SEMA3A: variants seen among roughly 807,000 people sequenced by gnomAD.
SEMA3A encodes the protein semaphorin-3A.
A neutral mutation model predicts 97.9 loss-of-function variants in SEMA3A; 29 were observed. That is an observed-to-expected ratio of 0.30 (90% CI 0.22 to 0.40). The LOEUF is 0.40. Among genes scored for constraint, SEMA3A ranks in the 10% least tolerant of loss-of-function variants. The probability of loss-of-function intolerance (pLI) is 1.00; values close to 1 mark genes in which losing one functional copy is unlikely to be tolerated. For missense variants in SEMA3A, 763 were observed against 951.3 expected (o/e 0.80, Z 2.60); for synonymous variants, 321 against 323.7 (o/e 0.99, Z 0.09).
chr7:84,165,699 T>A (rs557466598), intron 1 of SEMA3A, among the ~76,000 whole-genome samples: 119 of 151,950 alleles, frequency 7.8e-4, no homozygotes, highest in Non-Finnish European at 1.5e-3. Context: ...ATTACAGGTG[T>A]GGGCCACCAT....
chr7:84,468,227 T>G (rs542398193), intron 1 of SEMA3A, among the ~76,000 whole-genome samples: 1 of 152,344 alleles, frequency 6.6e-6, no homozygotes, highest in Non-Finnish European at 1.5e-5. Flanking sequence ...TTGCATTTCT[T>G]ACTTGTGCAA....
chr7:84,439,741 T>C (rs1296295128), intron 1 of SEMA3A, among the ~76,000 whole-genome samples: 3 of 152,282 alleles, frequency 2.0e-5, no homozygotes, highest in South Asian at 2.1e-4. Context: ...GGTGAAATGA[T>C]AGTACATATA....
chr7:84,307,820 A>G (rs759214095), intron 2 of SEMA3A, among the ~76,000 whole-genome samples: 30 of 152,186 alleles, frequency 2.0e-4, no homozygotes, highest in Non-Finnish European at 3.4e-4. Flanking sequence ...TAGAAATTTT[A>G]AACAACAGAA....
chr7:84,481,267 C>T (rs1313733393), intron 1 of SEMA3A, among the ~76,000 whole-genome samples: 4 of 152,128 alleles, frequency 2.6e-5, no homozygotes, highest in African/African-American at 7.2e-5. Context: ...ACTACCCTCA[C>T]CTTTTGCATG....
chr7:84,429,535 T>C (rs920631303), intron 1 of SEMA3A, among the ~76,000 whole-genome samples: 1 of 119,708 alleles, frequency 8.4e-6, no homozygotes, highest in African/African-American at 3.2e-5. Flanking sequence ...TATATATATA[T>C]ATATATATAT....
chr7:84,343,519 TAA>T (rs1802222409), intron 2 of SEMA3A, among the ~76,000 whole-genome samples: 3 of 152,192 alleles, frequency 2.0e-5, no homozygotes, highest in Admixed American at 2.0e-4. Flanking sequence ...TTTCTAAAAC[TAA>T]ATACTGAGTG....
chr7:84,167,068 C>A (rs1338796940), intron 1 of SEMA3A, among the ~76,000 whole-genome samples: 8 of 152,230 alleles, frequency 5.3e-5, no homozygotes, highest in East Asian at 3.9e-4. Flanking sequence ...TGCAGTCCTA[C>A]AAGATGTAGG....
chr7:84,263,262 G>A (rs1363486044), intron 3 of SEMA3A, among the ~76,000 whole-genome samples: 2 of 152,128 alleles, frequency 1.3e-5, no homozygotes, highest in Non-Finnish European at 1.5e-5. Context: ...ACAAAGAGCC[G>A]GCATGTGTAG....
intron 6 of SEMA3A, among the ~76,000 whole-genome samples, chr7:84,045,560 T>G (rs1792316338): frequency 6.6e-6 from 1 of 151,850 alleles, no homozygotes; most frequent in African/African-American, 2.4e-5. Context: ...GATTGCTTAG[T>G]TAAAATTTTG....
At chr7:84,388,773 T>G (rs906249114) in intron 1 of SEMA3A, among the ~76,000 whole-genome samples, 5 of 152,148 alleles carry the variant, frequency 3.3e-5, no homozygotes, top group African/African-American at 1.2e-4. Flanking sequence ...GACCTTCAGT[T>G]TCTTAAAACA....
At chr7:84,271,533 G>A (rs1009323040) in intron 3 of SEMA3A, among the ~76,000 whole-genome samples, 3 of 152,052 alleles carry the variant, frequency 2.0e-5, no homozygotes, top group African/African-American at 7.2e-5. Flanking sequence ...TGTAAATAAA[G>A]AGAAAATGAA....
At chr7:84,169,740 T>G (rs1029966748) in intron 1 of SEMA3A, among the ~76,000 whole-genome samples, 1 of 151,464 alleles carries the variant, frequency 6.6e-6, no homozygotes, top group East Asian at 1.9e-4. Context: ...GGAAGTAAGA[T>G]TAAATAATGC....
intron 4 of SEMA3A, among the ~76,000 whole-genome samples, chr7:84,100,631 C>A (rs1562782314): frequency 6.6e-6 from 1 of 151,994 alleles, no homozygotes; most frequent in Non-Finnish European, 1.5e-5. Context: ...TCTATGTGAG[C>A]CCTTTGAGGG....
rs1037825385 is a variant in SEMA3A at position 84,379,052 on chromosome 7, T to C, written c.-245-7152A>G. 5.9e-5 allele frequency among the ~76,000 whole-genome samples: 9 copies of C among 151,876 alleles called. No individual in the cohort carries two copies. In the East Asian group the frequency reaches 1.8e-3, roughly 30 times the overall value. The stretch of plus-strand genomic sequence containing the variant: ...ATGCCGTTCTCCTGCCTCAGCCTCC[T>C]GAGTAGCTGGGACTACAGGCGCCCG... On this transcript the variant is annotated intron_variant, in intron 1 of 3. Transcript: ENST00000424555.
At chr7:84,131,101 TTAA>T (rs376885803) in intron 2 of SEMA3A, among the ~76,000 whole-genome samples, 5 of 151,382 alleles carry the variant, frequency 3.3e-5, no homozygotes, top group Admixed American at 6.6e-5. Context: ...AGTTCCAGGG[TTAA>T]TAATAATAAT....
chr7:84,160,945 T>C (rs927447097), intron 1 of SEMA3A, among the ~76,000 whole-genome samples: 2 of 152,140 alleles, frequency 1.3e-5, no homozygotes, highest in Admixed American at 6.5e-5. Flanking sequence ...TTCTACTTTA[T>C]TGATAGGAAG....
chr7:84,035,145 A>G (rs1027376763), intron 6 of SEMA3A, among the ~76,000 whole-genome samples: 1 of 152,108 alleles, frequency 6.6e-6, no homozygotes, highest in African/African-American at 2.4e-5. Context: ...TACATTTATT[A>G]GTTAAAAACA....
intron 2 of SEMA3A, among the ~76,000 whole-genome samples, chr7:84,346,407 G>C (rs1420693305): frequency 6.6e-6 from 1 of 152,170 alleles, no homozygotes; most frequent in African/African-American, 2.4e-5. Context: ...TGGTGCAAGA[G>C]GCCTTGCTTT....
chr7:84,235,072 G>T (rs1045986859), intron 3 of SEMA3A, among the ~76,000 whole-genome samples: 1 of 151,948 alleles, frequency 6.6e-6, no homozygotes, highest in Non-Finnish European at 1.5e-5. Flanking sequence ...TAATATATAC[G>T]AAAATGATTT....
Sources: gnomAD v4.1 joint callset for allele counts (sites outside exome capture counted in the v4.1 genomes callset) on GRCh38, gnomAD v4.1.1 for gene constraint, MANE v1.5 for transcripts, NCBI Gene and HGNC (gene_info 2026-07-23, HGNC 2026-07-21) for gene names.